Variants in FGFR1 observed in about 807,000 individuals in gnomAD.
The protein encoded by FGFR1 is fibroblast growth factor receptor 1.
In FGFR1, 18 loss-of-function variants were observed where a neutral mutation model predicts 93.7. That is an observed-to-expected ratio of 0.19 (90% confidence interval 0.13 to 0.28). FGFR1 has a LOEUF of 0.28. Among genes scored for constraint, FGFR1 ranks in the 10% least tolerant of loss-of-function variants. The probability of loss-of-function intolerance (pLI) is 1.00; values close to 1 mark genes in which losing one functional copy is unlikely to be tolerated. For missense variants in FGFR1, 731 were observed against 1,080.4 expected (o/e 0.68, Z 4.53); for synonymous variants, 448 against 429.3 (o/e 1.04, Z -0.54).
Position 38,436,396 on chromosome 8 carries a change from GA to G in FGFR1, c.92-6449del, listed in dbSNP as rs1170702334. On this transcript the variant is annotated intron_variant, in intron 2 of 17. Coordinates refer to ENST00000447712, the MANE Select transcript of FGFR1 (RefSeq NM_023110.3). Reference sequence around the variant, plus strand: ...AACAACAACAAAAAAAGTGCATTGTGAAAAAAAAGGGGCCTTATGCTTTGAT... The same window carrying G: ...AACAACAACAAAAAAAGTGCATTGTGAAAAAAAGGGGCCTTATGCTTTGAT... Among the ~76,000 whole-genome samples, 14 of 151,662 alleles carry G rather than the reference GA, an allele frequency of 9.2e-5. No individual in the cohort carries two copies. The South Asian group carries it at 2.5e-3, about 27-fold the overall frequency.
chr8:38,427,306 G>A (rs1395090228), intron 5 of FGFR1, among the ~76,000 whole-genome samples: 1 of 152,110 alleles, frequency 6.6e-6, no homozygotes, highest in Non-Finnish European at 1.5e-5. Flanking sequence ...TGGAGACAGA[G>A]TCTCACTCTG....
chr8:38,451,288 C>G (rs1830988633), intron 2 of FGFR1, among the ~76,000 whole-genome samples: 1 of 151,718 alleles, frequency 6.6e-6, no homozygotes, highest in South Asian at 2.1e-4. Flanking sequence ...CCCAAGGCAG[C>G]CTTGGGACAC....
In FGFR1 at chr8:38,466,717, G is replaced by A. The variant is rs540650394; in HGVS notation, c.-89+1264C>T. Reference sequence around the variant, plus strand: ...ATTTGGGGGAGGGGGAGGGGAGGAAGAGGGAAGTTAATAATGCGGCTGCGG... The same window carrying A: ...ATTTGGGGGAGGGGGAGGGGAGGAAAAGGGAAGTTAATAATGCGGCTGCGG... On this transcript the variant is annotated intron_variant, in intron 1 of 17. Coordinates refer to ENST00000447712, the MANE Select transcript of FGFR1 (RefSeq NM_023110.3). The A allele has an allele frequency of 2.0e-4, 44 of 217,812 alleles. No individual in the cohort carries two copies. Among genetic ancestry groups the A allele is most frequent in the Admixed American group, 1.1e-3 (19 of 17,146 alleles). 13.5% of individuals were successfully genotyped at this position (217,812 alleles called of 1,614,324 possible). A position where few individuals can be genotyped will look rare whatever the true frequency, so the allele number is the denominator to read the frequency against.
chr8:38,444,617 C>T (rs984540270), intron 2 of FGFR1, among the ~76,000 whole-genome samples: 1 of 141,744 alleles, frequency 7.1e-6, no homozygotes, highest in African/African-American at 2.6e-5. Context: ...GTCTTGAACT[C>T]CTGACGTCAG....
At chr8:38,462,902 C>CTTT (rs11364295) in intron 1 of FGFR1, among the ~76,000 whole-genome samples, 5 of 114,816 alleles carry the variant, frequency 4.4e-5, no homozygotes, top group South Asian at 2.9e-4. Context: ...CTGTGCCTGG[C>CTTT]TTTTTTTTTT....
intron 2 of FGFR1, among the ~76,000 whole-genome samples, chr8:38,450,713 C>A (rs532867630): frequency 1.4e-4 from 22 of 152,326 alleles, no homozygotes; most frequent in African/African-American, 5.1e-4. Flanking sequence ...TCCCTTCCCC[C>A]ACTGGCAGCA....
At chr8:38,425,837 T>G (rs1419353107) in intron 6 of FGFR1, 5 of 473,372 alleles carry the variant, frequency 1.1e-5, no homozygotes, top group African/African-American at 2.0e-5. Flanking sequence ...ACGCTACATT[T>G]AACACCTCTC....
At chr8:38,422,968 G>C in intron 7 of FGFR1, 1 of 768,954 alleles carries the variant, frequency 1.3e-6, no homozygotes, top group East Asian at 2.4e-5. Flanking sequence ...GCCTGCCCCA[G>C]CAGCTTGGGG....
At position 38,429,452 on chromosome 8, in the gene FGFR1, G is replaced by A; in HGVS notation, c.358+230C>T. ...AAGAGCCCTGGCAATCACCTCCGAGGTGTGTCCTGGAAGCCCCAGATCTCC... is the reference window on the plus strand; with the variant it reads ...AAGAGCCCTGGCAATCACCTCCGAGATGTGTCCTGGAAGCCCCAGATCTCC... On this transcript the variant is annotated intron_variant, in intron 3 of 17. Coordinates refer to ENST00000447712, the MANE Select transcript of FGFR1 (RefSeq NM_023110.3). The surrounding 1 kb of genome is among the most constrained non-coding windows in gnomAD (Gnocchi z 4.4). 2 of 702,168 alleles carry A rather than the reference G, an allele frequency of 2.8e-6. No homozygotes were observed. Among genetic ancestry groups the A allele is most frequent in the Non-Finnish European group, 5.2e-6 (2 of 385,150 alleles). The allele number at this position is 702,168 out of a possible 1,614,324, so 43.5% of individuals were successfully genotyped here.
intron 2 of FGFR1, among the ~76,000 whole-genome samples, chr8:38,437,627 T>A (rs945969072): frequency 2.6e-5 from 4 of 152,176 alleles, no homozygotes; most frequent in Admixed American, 1.3e-4. Context: ...CAGGCATGGC[T>A]GTACCCTGGT....
At chr8:38,440,330 A>G in intron 2 of FGFR1, 1 of 1,605,212 alleles carries the variant, frequency 6.2e-7, no homozygotes, top group Non-Finnish European at 8.5e-7. Flanking sequence ...ACCCGGCCAG[A>G]GTGCAGAAGC....
At chr8:38,418,165 T>G in intron 10 of FGFR1, 63 bp downstream of exon 10, 1 of 1,612,862 alleles carries the variant, frequency 6.2e-7, no homozygotes, top group African/African-American at 1.3e-5. Context: ...TATACACACC[T>G]TCCACCACTA....
intron 7 of FGFR1, among the ~76,000 whole-genome samples, chr8:38,422,553 G>A (rs1054834564): frequency 3.3e-5 from 5 of 152,094 alleles, no homozygotes; most frequent in African/African-American, 1.2e-4. Context: ...ACAGGCACAC[G>A]CCACCATACT....
At chr8:38,438,886 AT>A (rs1270145108) in intron 2 of FGFR1, among the ~76,000 whole-genome samples, 1 of 151,718 alleles carries the variant, frequency 6.6e-6, no homozygotes, top group Non-Finnish European at 1.5e-5. Context: ...TCCTTCCCTC[AT>A]TTCCTCAAGC....
intron 2 of FGFR1, among the ~76,000 whole-genome samples, chr8:38,450,678 T>C (rs1055199558): frequency 6.6e-6 from 1 of 152,212 alleles, no homozygotes; most frequent in Non-Finnish European, 1.5e-5. Flanking sequence ...ATGGAAACCC[T>C]GACAGAGTCT....
rs185116216 is a variant in FGFR1 at position 38,451,668 on chromosome 8, C to G, written c.91+5688G>C. ...CTCCCCCCTCTAACAAGCCACCAGA[C>G]TCCTTCAAATCTGGGTGGGTGGGAG... On this transcript the variant is annotated intron_variant, in intron 2 of 17. Transcript: ENST00000447712. Among the ~76,000 whole-genome samples the G allele has an allele frequency of 9.2e-5, 14 of 152,268 alleles. No individual in the cohort carries two copies. The East Asian group carries it at 2.7e-3, about 29-fold the overall frequency.
chr8:38,429,820 C>G lies in FGFR1; in HGVS notation c.220G>C (p.Ala74Pro), dbSNP rs1039838179. The part of the protein sequence containing the change: ...INWLRDGVQL[A>P]ESNRTRITGE... ...GTGATGCGGGTGCGGTTGCTTTCCG[C>G]CAGCTGCACCCCGTCCCGCAGCCAG... Residue 74 changes from alanine to proline, a missense_variant, in exon 3 of 18, where the codon GCG becomes CCG. Ala to Pro is a conservative substitution (Grantham distance 27). Transcript: ENST00000447712. This position sits in a 1 kb window ranked among gnomAD's most constrained non-coding sequence, Gnocchi z 4.4. 1.9e-6 allele frequency: 3 copies of G among 1,613,884 alleles called. No homozygotes were observed. The highest frequency in any genetic ancestry group is 2.5e-6 in the Non-Finnish European group (3 of 1,179,932).
chr8:38,417,139 A>T (rs1586158816), intron 12 of FGFR1, among the ~76,000 whole-genome samples, 167 bp downstream of exon 12: 1 of 152,162 alleles, frequency 6.6e-6, no homozygotes, highest in African/African-American at 2.4e-5. Context: ...CTGAATGAAC[A>T]CCAATGAGCG....
intron 2 of FGFR1, among the ~76,000 whole-genome samples, chr8:38,449,614 T>C (rs1236398275): frequency 1.3e-5 from 2 of 152,198 alleles, no homozygotes; most frequent in Non-Finnish European, 1.5e-5. Flanking sequence ...TCAGGCTCCC[T>C]GTGTCTCCAT....
Sources: gnomAD v4.1 joint callset for allele counts (sites outside exome capture counted in the v4.1 genomes callset) on GRCh38, gnomAD v4.1.1 for gene constraint, Gnocchi (gnomAD v3.1) non-coding constraint, MANE v1.5 for transcripts, NCBI Gene and HGNC (gene_info 2026-07-23, HGNC 2026-07-21) for gene names.